UMAD1: variants seen among roughly 807,000 people sequenced by gnomAD.
UMAD1 encodes the protein UBAP1-MVB12-associated (UMA)-domain containing protein 1.
A neutral mutation model predicts 6.1 loss-of-function variants in UMAD1; 8 were observed. The observed-to-expected ratio is 1.30, with a 90% CI of 0.76 to 2.35. The LOEUF (loss-of-function observed/expected upper bound fraction) is 2.35, where lower values mean the gene tolerates loss of function less well. Ranked by LOEUF, UMAD1 falls within the 30% of genes most tolerant of loss-of-function variation. The probability of loss-of-function intolerance (pLI) is 0.00; values close to 1 mark genes in which losing one functional copy is unlikely to be tolerated. For synonymous variants in UMAD1, 56 were observed against 31.4 expected, an observed-to-expected ratio of 1.78 and a Z score of -2.61; for missense variants, 130 against 78.4, an observed-to-expected ratio of 1.66 and a Z score of -2.49.
chr7:7,860,604 CA>C (rs373823869), intron 3 of UMAD1, among the ~76,000 whole-genome samples: 5,369 of 93,816 alleles, frequency 0.057, 369 homozygotes, highest in African/African-American at 0.19. Flanking sequence ...ACTAAAAATA[CA>C]AAAAAAAAAA....
chr7:7,758,381 A>G (rs1378183932), intron 2 of UMAD1, among the ~76,000 whole-genome samples: 1 of 152,166 alleles, frequency 6.6e-6, no homozygotes, highest in Non-Finnish European at 1.5e-5. Context: ...AGATCTTAAG[A>G]AAGTGTAAAA....
intron 2 of UMAD1, among the ~76,000 whole-genome samples, chr7:7,708,985 GTGTGGGA>G (rs747335508): frequency 6.6e-6 from 1 of 151,976 alleles, no homozygotes; most frequent in Non-Finnish European, 1.5e-5. Flanking sequence ...AAGGGAGAAA[GTGTGGGA>G]GGAAAAGAGG....
chr7:7,836,214 T>C (rs1783567172), intron 3 of UMAD1, among the ~76,000 whole-genome samples: 1 of 152,028 alleles, frequency 6.6e-6, no homozygotes, highest in Non-Finnish European at 1.5e-5. Context: ...TTCTTAATTT[T>C]AGTGGTAAAC....
intron 3 of UMAD1, among the ~76,000 whole-genome samples, chr7:7,802,663 C>T (rs985276561): frequency 1.1e-4 from 16 of 152,136 alleles, no homozygotes; most frequent in Non-Finnish European, 1.9e-4. Context: ...AAACTTTCTA[C>T]GTAGTGACAC....
intron 2 of UMAD1, among the ~76,000 whole-genome samples, chr7:7,787,968 A>C (rs566117807): frequency 6.6e-6 from 1 of 152,176 alleles, no homozygotes; most frequent in East Asian, 1.9e-4. Context: ...CAGAAACTTA[A>C]ATTTTTCTGA....
intron 3 of UMAD1, among the ~76,000 whole-genome samples, 196 bp from the exon 4 acceptor site, chr7:7,877,085 G>A (rs1209183512): frequency 2.6e-5 from 4 of 152,324 alleles, no homozygotes; most frequent in Non-Finnish European, 5.9e-5. Flanking sequence ...CTGAGTTAAA[G>A]TTTAGGATTC....
chr7:7,717,524 G>T (rs1348290129), intron 2 of UMAD1, among the ~76,000 whole-genome samples: 1 of 152,160 alleles, frequency 6.6e-6, no homozygotes, highest in Non-Finnish European at 1.5e-5. Flanking sequence ...TTGTTTTGAA[G>T]TAAAATGTTT....
intron 2 of UMAD1, among the ~76,000 whole-genome samples, chr7:7,752,663 A>G (rs1382773744): frequency 6.6e-6 from 1 of 152,112 alleles, no homozygotes; most frequent in East Asian, 1.9e-4. Flanking sequence ...TTATTTTTTA[A>G]TTTCGTATGT....
At chr7:7,696,313 C>A (rs376019412) in intron 2 of UMAD1, among the ~76,000 whole-genome samples, 3,551 of 149,428 alleles carry the variant, frequency 0.024, 141 homozygotes, top group African/African-American at 0.083. Context: ...AAAAAAAAAA[C>A]ACCCCAAAAC....
intron 3 of UMAD1, among the ~76,000 whole-genome samples, chr7:7,843,397 A>G (rs1439881480): frequency 6.6e-6 from 1 of 152,202 alleles, no homozygotes; most frequent in Admixed American, 6.5e-5. Flanking sequence ...AACCTGTTTT[A>G]AAGTGAAAGA....
At chr7:7,668,024 C>T (rs1410871125) in intron 1 of UMAD1, among the ~76,000 whole-genome samples, 1 of 152,094 alleles carries the variant, frequency 6.6e-6, no homozygotes, top group Non-Finnish European at 1.5e-5. Flanking sequence ...TCAAGCAGTC[C>T]TCCAACCTCA....
intron 2 of UMAD1, among the ~76,000 whole-genome samples, chr7:7,675,292 A>C (rs1779711528): frequency 6.6e-6 from 1 of 152,224 alleles, no homozygotes; most frequent in African/African-American, 2.4e-5. Flanking sequence ...GCTGGACCTT[A>C]AACTTTTTAT....
At chr7:7,696,839 T>A (rs1042169536) in intron 2 of UMAD1, among the ~76,000 whole-genome samples, 1 of 151,160 alleles carries the variant, frequency 6.6e-6, no homozygotes, top group Non-Finnish European at 1.5e-5. Flanking sequence ...TCTTTCTTCT[T>A]CTTTTTTTTT....
intron 2 of UMAD1, among the ~76,000 whole-genome samples, chr7:7,747,951 T>C (rs896358393): frequency 2.0e-5 from 3 of 152,082 alleles, no homozygotes; most frequent in Non-Finnish European, 4.4e-5. Context: ...ATAAAGTATA[T>C]GTTTTATGAT....
chr7:7,688,855 C>T (rs368378078), intron 2 of UMAD1, among the ~76,000 whole-genome samples: 82 of 152,180 alleles, frequency 5.4e-4, no homozygotes, highest in African/African-American at 1.9e-3. Flanking sequence ...GACTTGTAAA[C>T]CATTTAATAT....
At chr7:7,842,718 T>G (rs564608684) in intron 3 of UMAD1, among the ~76,000 whole-genome samples, 17 of 152,274 alleles carry the variant, frequency 1.1e-4, no homozygotes, top group Admixed American at 7.8e-4. Context: ...CAATATGTAT[T>G]CTTCAGAATA....
rs540759585 is a variant in UMAD1, at chr7:7,814,605, T to C, written c.156+12862T>C. Among the ~76,000 whole-genome samples, 14 of 152,306 alleles carry C rather than the reference T, an allele frequency of 9.2e-5. No individual in the cohort carries two copies. In the South Asian group the frequency reaches 1.2e-3, roughly 14 times the overall value. On this transcript the variant is annotated intron_variant, in intron 3 of 3. Coordinates refer to ENST00000682710, the MANE Select transcript of UMAD1 (RefSeq NM_001302348.2). ...TAAAATATATTCCTATATGTAAGTA[T>C]ATTTATGTAATACTTCTACAAAATA...
intron 2 of UMAD1, among the ~76,000 whole-genome samples, chr7:7,680,190 A>G (rs1313002351): frequency 6.6e-6 from 1 of 151,996 alleles, no homozygotes; most frequent in African/African-American, 2.4e-5. Flanking sequence ...AGATTTACGT[A>G]TTTTATCCAT....
At chr7:7,853,094 T>C (rs1344078475) in intron 3 of UMAD1, among the ~76,000 whole-genome samples, 4 of 152,218 alleles carry the variant, frequency 2.6e-5, no homozygotes, top group African/African-American at 7.2e-5. Flanking sequence ...TAACAAATGC[T>C]GTGGGAGTTA....
Sources: gnomAD v4.1 joint callset for allele counts (sites outside exome capture counted in the v4.1 genomes callset) on GRCh38, gnomAD v4.1.1 for gene constraint, MANE v1.5 for transcripts, NCBI Gene and HGNC (gene_info 2026-07-23, HGNC 2026-07-21) for gene names.